The following BLOC1S5 variants were observed in gnomAD, a reference collection of about 807,000 sequenced individuals.
The protein encoded by BLOC1S5 is biogenesis of lysosomal organelles complex 1 subunit 5, also known as biogenesis of lysosome-related organelles complex 1 subunit 5.
A neutral mutation model predicts 24.3 loss-of-function variants in BLOC1S5; 27 were observed. The observed-to-expected ratio is 1.11, with a 90% CI of 0.82 to 1.53. The LOEUF (loss-of-function observed/expected upper bound fraction) is 1.53, where lower values mean the gene tolerates loss of function less well. Ranked by LOEUF, BLOC1S5 falls within the 40% of genes most tolerant of loss-of-function variation. BLOC1S5 has a pLI of 0.00. For missense variants in BLOC1S5, 239 were observed against 229.4 expected (o/e 1.04, Z -0.27); for synonymous variants, 84 against 74.5 (o/e 1.13, Z -0.66).
intron 2 of BLOC1S5, among the ~76,000 whole-genome samples, chr6:8,062,003 G>A (rs569101851): frequency 9.2e-5 from 14 of 152,320 alleles, no homozygotes; most frequent in African/African-American, 3.4e-4. Context: ...TGGCAGCAGG[G>A]TGAAAACTGG....
intron 3 of BLOC1S5, among the ~76,000 whole-genome samples, chr6:8,039,659 G>T (rs998232109): frequency 6.6e-6 from 1 of 151,974 alleles, no homozygotes; most frequent in Non-Finnish European, 1.5e-5. Context: ...ATTTCAGCTT[G>T]GCATTAGGAA....
intron 2 of BLOC1S5, among the ~76,000 whole-genome samples, chr6:8,059,844 T>C (rs1033266056): frequency 1.3e-5 from 2 of 152,228 alleles, no homozygotes; most frequent in Admixed American, 6.5e-5. Flanking sequence ...ACTTAGCTGA[T>C]AAAATGTTCT....
chr6:8,041,389 T>G (rs1382671285), intron 2 of BLOC1S5, 121 bp from the exon 3 acceptor site: 3 of 960,236 alleles, frequency 3.1e-6, no homozygotes, highest in Non-Finnish European at 4.3e-6. Flanking sequence ...CTCAGCTCAC[T>G]GCAACCTCCG....
intron 2 of BLOC1S5, among the ~76,000 whole-genome samples, chr6:8,043,032 T>G (rs1389951835): frequency 6.6e-6 from 1 of 152,162 alleles, no homozygotes; most frequent in Non-Finnish European, 1.5e-5. Context: ...CCTTTTCCCT[T>G]TGCTGACACT....
chr6:8,034,531 G>A (rs1410583046), intron 3 of BLOC1S5, among the ~76,000 whole-genome samples: 1 of 152,120 alleles, frequency 6.6e-6, no homozygotes, highest in Non-Finnish European at 1.5e-5. Context: ...TAACGTAAAT[G>A]AGTTGATGGG....
In BLOC1S5 at chr6:8,015,829, C is replaced by A; in HGVS notation, c.385-1G>T. 6.3e-7 allele frequency: 1 copy of A among 1,594,166 alleles called. No homozygotes were observed. Reference sequence around the variant, plus strand: ...TAGCTACTAAGTGGTCACTATGAATCTGAGAAAAGAAAATTAGAAAGTCAC... The same window carrying A: ...TAGCTACTAAGTGGTCACTATGAATATGAGAAAAGAAAATTAGAAAGTCAC... On this transcript the variant is annotated splice_acceptor_variant, in intron 4 of 4. Transcript: ENST00000397457. LOFTEE classifies it high-confidence loss of function.
intron 4 of BLOC1S5, among the ~76,000 whole-genome samples, chr6:8,016,361 C>A (rs1762735670): frequency 6.6e-6 from 1 of 151,766 alleles, no homozygotes; most frequent in Non-Finnish European, 1.5e-5. Context: ...CGTCTAGTAT[C>A]TTCACATGAT....
intron 2 of BLOC1S5, among the ~76,000 whole-genome samples, chr6:8,048,254 A>G (rs946057328): frequency 1.3e-5 from 2 of 152,180 alleles, no homozygotes; most frequent in African/African-American, 4.8e-5. Context: ...GCTTTCTGGC[A>G]TGATCTGATG....
chr6:8,049,427 T>C (rs1469663792), intron 2 of BLOC1S5, among the ~76,000 whole-genome samples: 1 of 152,038 alleles, frequency 6.6e-6, no homozygotes, highest in South Asian at 2.1e-4. Flanking sequence ...TGAGTAGCAA[T>C]GTCACCATCC....
At chr6:8,027,001 G>A (rs959976192) in intron 3 of BLOC1S5, among the ~76,000 whole-genome samples, 4 of 152,142 alleles carry the variant, frequency 2.6e-5, no homozygotes, top group African/African-American at 4.8e-5. Flanking sequence ...GAGAGGTGAC[G>A]CTGTCAATCA....
intron 2 of BLOC1S5, among the ~76,000 whole-genome samples, chr6:8,051,082 G>C (rs1016714321): frequency 3.9e-5 from 6 of 152,002 alleles, no homozygotes; most frequent in African/African-American, 1.4e-4. Context: ...CAGCTACTCA[G>C]GAGGCTGAGG....
At chr6:8,017,254 C>T (rs1762774480) in intron 4 of BLOC1S5, among the ~76,000 whole-genome samples, 1 of 152,042 alleles carries the variant, frequency 6.6e-6, no homozygotes, top group Non-Finnish European at 1.5e-5. Context: ...CAAACAAAAA[C>T]TGGGATATGC....
chr6:8,037,031 T>C (rs1034545421), intron 3 of BLOC1S5, among the ~76,000 whole-genome samples: 1 of 152,144 alleles, frequency 6.6e-6, no homozygotes, highest in East Asian at 1.9e-4. Context: ...AACATCATAC[T>C]GAATGAGGAA....
intron 4 of BLOC1S5, among the ~76,000 whole-genome samples, chr6:8,021,341 G>GT (rs1762910460): frequency 6.6e-6 from 1 of 152,238 alleles, no homozygotes; most frequent in Admixed American, 6.5e-5. Context: ...GCTCACGCCT[G>GT]TAATTCCAGC....
At chr6:8,052,413 G>A (rs1764145062) in intron 2 of BLOC1S5, among the ~76,000 whole-genome samples, 1 of 152,328 alleles carries the variant, frequency 6.6e-6, no homozygotes, top group East Asian at 1.9e-4. Flanking sequence ...CTTCTGGAAA[G>A]GATTCACCAT....
intron 2 of BLOC1S5, among the ~76,000 whole-genome samples, chr6:8,061,436 CAT>C (rs910047122): frequency 7.8e-4 from 119 of 152,250 alleles, no homozygotes; most frequent in African/African-American, 2.3e-3. Flanking sequence ...ACCAATTACA[CAT>C]GTTACTTAAC....
intron 4 of BLOC1S5, chr6:8,018,181 T>C (rs572669678): frequency 3.3e-5 from 5 of 152,350 alleles, no homozygotes; most frequent in South Asian, 2.1e-4. Context: ...CAAAATCCAA[T>C]GCGTTACTTT....
At chr6:8,050,986 G>A (rs531565952) in intron 2 of BLOC1S5, among the ~76,000 whole-genome samples, 25 of 151,698 alleles carry the variant, frequency 1.6e-4, no homozygotes, top group South Asian at 8.4e-4. Context: ...TCAAGAGATC[G>A]AGACCATCTT....
Position 8,022,579 on chromosome 6 carries a change from C to CT in BLOC1S5, c.384+3787dup, listed in dbSNP as rs756972606. ...TATTTTCAAACTCTATTTTTTTTTT[C>CT]TTTTTTTTTTTTCTTTTTTTTTTGA... On this transcript the variant is annotated intron_variant, in intron 4 of 4. Transcript: ENST00000397457. Among the ~76,000 whole-genome samples, 66 of 74,264 alleles carry CT rather than the reference C, an allele frequency of 8.9e-4. 2 individuals carry two copies. The highest frequency in any genetic ancestry group is 1.4e-3 in the African/African-American group (19 of 13,822). The allele number at this position is 74,264 out of a possible 152,430, so 48.7% of individuals were successfully genotyped here. A position where few individuals can be genotyped will look rare whatever the true frequency, so the allele number is the denominator to read the frequency against.
Sources: allele counts gnomAD v4.1 joint callset (sites outside exome capture counted in the v4.1 genomes callset), GRCh38; gene constraint gnomAD v4.1.1; transcripts MANE v1.5; gene names NCBI Gene and HGNC (gene_info 2026-07-23, HGNC 2026-07-21).